GALNT13: variants seen among roughly 807,000 people sequenced by gnomAD.
GALNT13 encodes the protein UDP-GalNAc:polypeptide N-acetylgalactosaminyltransferase 13.
A neutral mutation model predicts 64.2 loss-of-function variants in GALNT13; 28 were observed. The ratio of observed to expected loss-of-function variants is 0.44; its 90% confidence interval spans 0.32 to 0.60. The LOEUF is 0.60. GALNT13 is among the 20% of genes least tolerant of loss of function. The pLI is 0.05. For synonymous variants in GALNT13, 214 were observed against 224.6 expected (o/e 0.95, Z 0.42); for missense variants, 577 against 669.8 (o/e 0.86, Z 1.53).
chr2:153,684,812 A>G, the GALNT13 span, among the ~76,000 whole-genome samples: 23 of 151,584 alleles, frequency 1.5e-4, no homozygotes. Context: ...CCCACCCTCC[A>G]TCTTCCAAAA....
chr2:154,161,947 A>AT (rs1378614001), intron 4 of GALNT13, among the ~76,000 whole-genome samples: 1 of 151,810 alleles, frequency 6.6e-6, no homozygotes, highest in Non-Finnish European at 1.5e-5. Context: ...CACCCAGCTA[A>AT]TTTTTTTGTA....
chr2:153,648,588 T>C, the GALNT13 span, among the ~76,000 whole-genome samples: 3 of 152,134 alleles, frequency 2.0e-5, no homozygotes, highest in Non-Finnish European at 2.9e-5. Context: ...TTCAGTATGA[T>C]ATTGGCTGTG....
chr2:153,692,037 T>C, the GALNT13 span, among the ~76,000 whole-genome samples: 2 of 152,190 alleles, frequency 1.3e-5, no homozygotes, highest in Non-Finnish European at 2.9e-5. Context: ...TGGAATACTA[T>C]GCCACATGTG....
At chr2:153,646,365 A>C in the GALNT13 span, among the ~76,000 whole-genome samples, 21 of 151,908 alleles carry the variant, frequency 1.4e-4, no homozygotes, top group African/African-American at 4.8e-4. Context: ...ATTTACTCCA[A>C]TTATGAAGGA....
the GALNT13 span, among the ~76,000 whole-genome samples, chr2:153,682,175 T>C: frequency 6.6e-6 from 1 of 151,930 alleles, no homozygotes; most frequent in East Asian, 1.9e-4. Context: ...CCATAAATTA[T>C]TTATTCCTGT....
the GALNT13 span, among the ~76,000 whole-genome samples, chr2:153,466,378 C>T: frequency 6.6e-6 from 1 of 151,874 alleles, no homozygotes; most frequent in Non-Finnish European, 1.5e-5. Flanking sequence ...TTGTTTTCCT[C>T]AGTGGTAAAT....
At chr2:153,543,197 TGGTTGAAC>T in the GALNT13 span, among the ~76,000 whole-genome samples, 2 of 152,142 alleles carry the variant, frequency 1.3e-5, no homozygotes, top group African/African-American at 4.8e-5. Context: ...TATATAAGAT[TGGTTGAAC>T]AGTTGAACAG....
the GALNT13 span, among the ~76,000 whole-genome samples, chr2:153,193,204 G>A: frequency 6.6e-6 from 1 of 151,674 alleles, no homozygotes. Context: ...CAACCCAAAT[G>A]TCCAACAATG....
intron 3 of GALNT13, among the ~76,000 whole-genome samples, chr2:153,984,943 T>C (rs1574266178): frequency 1.3e-5 from 2 of 152,030 alleles, no homozygotes; most frequent in East Asian, 3.9e-4. Flanking sequence ...TGATAAAATA[T>C]GCATAATTTT....
At chr2:154,002,690 G>A (rs938441117) in intron 3 of GALNT13, among the ~76,000 whole-genome samples, 4 of 152,112 alleles carry the variant, frequency 2.6e-5, no homozygotes, top group Non-Finnish European at 4.4e-5. Flanking sequence ...GTGAAGTCAT[G>A]TTTTCCTGAT....
At chr2:153,756,410 G>A in the GALNT13 span, among the ~76,000 whole-genome samples, 3 of 152,072 alleles carry the variant, frequency 2.0e-5, no homozygotes, top group Non-Finnish European at 4.4e-5. Context: ...AAAGGAGACA[G>A]AACTAGTTGC....
chr2:153,969,545 A>C (rs969408385), intron 3 of GALNT13, among the ~76,000 whole-genome samples: 3 of 152,036 alleles, frequency 2.0e-5, no homozygotes, highest in Admixed American at 6.6e-5. Flanking sequence ...TTTATAATAG[A>C]GATCTTGCTT....
At chr2:153,629,124 T>A in the GALNT13 span, among the ~76,000 whole-genome samples, 1 of 152,174 alleles carries the variant, frequency 6.6e-6, no homozygotes, top group African/African-American at 2.4e-5. Context: ...ATTCTCTAGT[T>A]TATTTGCATA....
the GALNT13 span, among the ~76,000 whole-genome samples, chr2:153,725,606 TAAG>T: frequency 6.6e-6 from 1 of 152,000 alleles, no homozygotes; most frequent in Non-Finnish European, 1.5e-5. Context: ...GAGAAAATTT[TAAG>T]AAGATTTTTT....
At chr2:153,433,233 C>T in the GALNT13 span, among the ~76,000 whole-genome samples, 646 of 152,248 alleles carry the variant, frequency 4.2e-3, 6 homozygotes, top group African/African-American at 0.014. Flanking sequence ...TTCAATCTTG[C>T]TACCCTCATT....
intron 2 of GALNT13, among the ~76,000 whole-genome samples, chr2:153,932,760 T>C (rs1558860797): frequency 6.6e-6 from 1 of 151,826 alleles, no homozygotes; most frequent in Non-Finnish European, 1.5e-5. Flanking sequence ...TCCCAGTAGC[T>C]GGGATTACAG....
chr2:154,197,378 A>C (rs1283009795), intron 4 of GALNT13, among the ~76,000 whole-genome samples: 1 of 152,170 alleles, frequency 6.6e-6, no homozygotes, highest in African/African-American at 2.4e-5. Context: ...AGCCCAAAGA[A>C]GCCTAGGGCA....
chr2:154,289,251 A>G (rs529061268), intron 8 of GALNT13, among the ~76,000 whole-genome samples: 2 of 152,320 alleles, frequency 1.3e-5, no homozygotes, highest in South Asian at 4.1e-4. Flanking sequence ...AAGACTGCAT[A>G]AAGCAATAAG....
chr2:153,905,279 A>G (rs1217873594), intron 2 of GALNT13, among the ~76,000 whole-genome samples: 2 of 151,946 alleles, frequency 1.3e-5, no homozygotes, highest in Non-Finnish European at 2.9e-5. Flanking sequence ...CATAATATAT[A>G]CAGCATTTCC....
Sources: allele counts gnomAD v4.1 joint callset (sites outside exome capture counted in the v4.1 genomes callset), GRCh38; gene constraint gnomAD v4.1.1; transcripts MANE v1.5; gene names NCBI Gene and HGNC (gene_info 2026-07-23, HGNC 2026-07-21).